LSM7: variants seen among roughly 807,000 people sequenced by gnomAD.
LSM7 encodes the protein U6 snRNA-associated Sm-like protein LSm7.
A neutral mutation model predicts 14.1 loss-of-function variants in LSM7; 13 were observed. That is an observed-to-expected ratio of 0.92 (90% CI 0.60 to 1.47). The LOEUF (loss-of-function observed/expected upper bound fraction) is 1.47. Ranked by LOEUF, LSM7 falls within the 40% of genes most tolerant of loss-of-function variation. The pLI, the probability that LSM7 is intolerant of heterozygous loss-of-function variation, is 0.00. For synonymous variants in LSM7, 70 were observed against 57.1 expected, an observed-to-expected ratio of 1.23 and a Z score of -1.02; for missense variants, 108 against 140.8, an observed-to-expected ratio of 0.77 and a Z score of 1.18.
Position 2,328,426 on chromosome 19 carries a change from C to T in LSM7, c.58G>A (p.Asp20Asn). 1 of 1,613,958 alleles carries T rather than the reference C, an allele frequency of 6.2e-7. No individual in the cohort carries two copies. The highest frequency in any genetic ancestry group is 8.5e-7 in the Non-Finnish European group (1 of 1,179,876). Residue 20 changes from aspartate (D) to asparagine (N), a missense_variant, in exon 2 of 4, where the codon GAC becomes AAC. Transcript: ENST00000252622. Reference protein sequence around the residue: ...ESILDLSKYIDKTIRVKFQGG... With the variant: ...ESILDLSKYINKTIRVKFQGG... The stretch of plus-strand genomic sequence containing the variant: ...TGGAACTTTACCCGGATCGTCTTGT[C>T]GATGTACTTGGACAAGTCCAAGATG...
At chr19:2,322,865 G>A (rs1967954574) in intron 3 of LSM7, among the ~76,000 whole-genome samples, 1 of 150,434 alleles carries the variant, frequency 6.6e-6, no homozygotes, top group Non-Finnish European at 1.5e-5. Context: ...CACATGTACC[G>A]CCATGCCTGG....
intron 3 of LSM7, 56 bp downstream of exon 3, chr19:2,324,069 C>T (rs1476351184): frequency 8.3e-7 from 1 of 1,202,472 alleles, no homozygotes; most frequent in Admixed American, 2.1e-5. Context: ...CCGCTGCCCC[C>T]CTCACCCCAC....
At position 2,323,942 on chromosome 19, in the gene LSM7, G is replaced by A. The variant is rs372553824; in HGVS notation, c.169+183C>T. Among the ~76,000 whole-genome samples, 43 of 152,282 alleles carry A rather than the reference G, an allele frequency of 2.8e-4. No individual in the cohort carries two copies. The East Asian group carries it at 6.6e-3, about 23-fold the overall frequency. On this transcript the variant is annotated intron_variant, in intron 3 of 3. Transcript: ENST00000252622. Reference sequence around the variant, plus strand: ...CTAGGACCAGTGAGCGCTCAAGCCCGTCCATCGGCCGCCACGAGGCTTCAC... The same window carrying A: ...CTAGGACCAGTGAGCGCTCAAGCCCATCCATCGGCCGCCACGAGGCTTCAC...
intron 3 of LSM7, 41 bp downstream of exon 3, chr19:2,324,084 C>T (rs753815441): frequency 3.9e-5 from 56 of 1,446,808 alleles, no homozygotes; most frequent in Non-Finnish European, 5.0e-5. Flanking sequence ...CCCCACTATC[C>T]CCCTCGTCCC....
In LSM7 at chr19:2,324,211, C is replaced by G. The variant is rs1366445053; in HGVS notation, c.98-15G>C. Reference sequence around the variant, plus strand: ...GATTCCACTGGCTTGGAGAAATCACCGGGGGAGAGAAAAGAGAAGGCATGA... The same window carrying G: ...GATTCCACTGGCTTGGAGAAATCACGGGGGGAGAGAAAAGAGAAGGCATGA... On this transcript the variant is annotated splice_polypyrimidine_tract_variant and intron_variant, in intron 2 of 3. Transcript: ENST00000252622. 1.3e-6 allele frequency: 2 copies of G among 1,564,526 alleles called. No homozygotes were observed. The highest frequency in any genetic ancestry group is 1.7e-6 in the Non-Finnish European group (2 of 1,153,750).
intron 3 of LSM7, among the ~76,000 whole-genome samples, chr19:2,322,229 A>C (rs749932044): frequency 5.9e-5 from 9 of 152,200 alleles, no homozygotes; most frequent in Non-Finnish European, 1.3e-4. Context: ...CTAGGGGGCC[A>C]ATATTCACCC....
At chr19:2,327,268 CTTTT>C (rs1272188583) in intron 2 of LSM7, among the ~76,000 whole-genome samples, 2 of 152,152 alleles carry the variant, frequency 1.3e-5, no homozygotes, top group Non-Finnish European at 2.9e-5. Context: ...ATTCCTTTTT[CTTTT>C]TGTTTTGAGA....
chr19:2,321,874 A>C lies in LSM7; in HGVS notation c.170-52T>G. On this transcript the variant is annotated intron_variant, in intron 3 of 3. Transcript: ENST00000252622. This position sits in a 1 kb window ranked among gnomAD's most constrained non-coding sequence, Gnocchi z 5.0. ...GAGGGACCTCCAGGAAGCCTCCGAG[A>C]CCCCCCACCCACCCAAGACCCTCGC... 3.7e-6 allele frequency: 5 copies of C among 1,341,166 alleles called. No individual in the cohort carries two copies. The highest frequency in any genetic ancestry group is 1.5e-5 in the African/African-American group (1 of 65,238). 83.1% of individuals were successfully genotyped at this position (1,341,166 alleles called of 1,614,324 possible).
At chr19:2,323,420 G>A (rs1185085605) in intron 3 of LSM7, among the ~76,000 whole-genome samples, 3 of 152,178 alleles carry the variant, frequency 2.0e-5, no homozygotes, top group Non-Finnish European at 2.9e-5. Context: ...CCAGGAGTTC[G>A]AGACCAGCCC....
chr19:2,324,070 CT>C, intron 3 of LSM7, 54 bp downstream of exon 3: 1 of 1,241,422 alleles, frequency 8.1e-7, no homozygotes, highest in East Asian at 2.8e-5. Flanking sequence ...CGCTGCCCCC[CT>C]CACCCCACTA....
chr19:2,321,849 GA>G lies in LSM7; in HGVS notation c.170-28del. Reference sequence around the variant, plus strand: ...TGGGGAGGAGCAGATAGAGAGGACTGAGGGACCTCCAGGAAGCCTCCGAGAC... The same window carrying G: ...TGGGGAGGAGCAGATAGAGAGGACTGGGGACCTCCAGGAAGCCTCCGAGAC... On this transcript the variant is annotated intron_variant, in intron 3 of 3. Transcript: ENST00000252622. This position sits in a 1 kb window ranked among gnomAD's most constrained non-coding sequence, Gnocchi z 5.0. The G allele has an allele frequency of 7.1e-7, 1 of 1,403,844 alleles. No homozygotes were observed. Among genetic ancestry groups the G allele is most frequent in the Admixed American group, 3.1e-5 (1 of 31,896 alleles). 87.0% of individuals were successfully genotyped at this position (1,403,844 alleles called of 1,614,324 possible).
At chr19:2,328,520 A>G (rs1332515112) in intron 1 of LSM7, 41 bp downstream of exon 1, 3 of 1,609,128 alleles carry the variant, frequency 1.9e-6, no homozygotes, top group Non-Finnish European at 1.7e-6. Context: ...GCGCGGCCCG[A>G]GCTCCACGCC....
At chr19:2,328,290 A>G (rs1968081852) in intron 2 of LSM7, 97 bp downstream of exon 2, 2 of 1,032,268 alleles carry the variant, frequency 1.9e-6, no homozygotes, top group Admixed American at 5.2e-5. Flanking sequence ...ATGAAAATAA[A>G]TAAAAGAGGT....
intron 3 of LSM7, among the ~76,000 whole-genome samples, chr19:2,323,554 G>A (rs550889872): frequency 6.6e-6 from 1 of 152,232 alleles, no homozygotes; most frequent in African/African-American, 2.4e-5. Flanking sequence ...AGGTTCAAGC[G>A]ATTCTCCTGC....
At chr19:2,325,375 TGAGGGGCGTCCCGCA>T (rs1967998747) in intron 2 of LSM7, among the ~76,000 whole-genome samples, 3 of 148,922 alleles carry the variant, frequency 2.0e-5, no homozygotes, top group African/African-American at 7.4e-5. Context: ...CTGCGCTCAC[TGAGGGGCGTCCCGCA>T]GCCACCCCCT....
intron 2 of LSM7, among the ~76,000 whole-genome samples, chr19:2,325,422 T>G (rs898069012): frequency 2.2e-4 from 9 of 41,298 alleles, no homozygotes; most frequent in Non-Finnish European, 7.8e-4. Flanking sequence ...TTCTTACCCC[T>G]GTCATCTTTC....
In LSM7 at chr19:2,321,929, G is replaced by A. The variant is rs545103807; in HGVS notation, c.170-107C>T. ...ACCTCCCCACCTGCACCCTGCAGGC[G>A]CCACGAGCACGCAGGGACCTCAGAC... On this transcript the variant is annotated intron_variant, in intron 3 of 3. Coordinates refer to ENST00000252622, the MANE Select transcript of LSM7 (RefSeq NM_016199.3). The surrounding 1 kb of genome is among the most constrained non-coding windows in gnomAD (Gnocchi z 5.0). 4.6e-5 allele frequency: 50 copies of A among 1,088,788 alleles called. No individual in the cohort carries two copies. Among genetic ancestry groups the A allele is most frequent in the Admixed American group, 1.2e-4 (3 of 24,136 alleles). 67.4% of individuals were successfully genotyped at this position (1,088,788 alleles called of 1,614,324 possible). A position where few individuals can be genotyped will look rare whatever the true frequency, so the allele number is the denominator to read the frequency against.
intron 2 of LSM7, chr19:2,328,084 C>A: frequency 3.7e-6 from 1 of 272,866 alleles, no homozygotes; most frequent in East Asian, 8.2e-5. Flanking sequence ...AGTTTGAGAC[C>A]ATCCTGGCCA....
chr19:2,326,766 G>C (rs540257447), intron 2 of LSM7, among the ~76,000 whole-genome samples: 1 of 152,190 alleles, frequency 6.6e-6, no homozygotes, highest in African/African-American at 2.4e-5. Context: ...CCCCGCACCC[G>C]GCCCCAAACC....
Sources: gnomAD v4.1 joint callset for allele counts (sites outside exome capture counted in the v4.1 genomes callset) on GRCh38, gnomAD v4.1.1 for gene constraint, Gnocchi (gnomAD v3.1) non-coding constraint, MANE v1.5 for transcripts, NCBI Gene and HGNC (gene_info 2026-07-23, HGNC 2026-07-21) for gene names.